Variants in TNIK observed in about 807,000 individuals in gnomAD.
TNIK encodes TRAF2 and NCK-interacting protein kinase.
Under a neutral mutation model 191.3 loss-of-function variants are expected in TNIK, and 49 were observed. The observed-to-expected ratio is 0.26, with a 90% CI of 0.20 to 0.32. TNIK has a LOEUF of 0.32. TNIK is among the 10% of genes least tolerant of loss of function. TNIK has a pLI of 1.00. For missense variants in TNIK, 1,155 were observed against 1,702.3 expected, an observed-to-expected ratio of 0.68 and a Z score of 5.66; for synonymous variants, 594 against 600.9, an observed-to-expected ratio of 0.99 and a Z score of 0.17.
At chr3:171,387,726 T>C (rs770541872) in intron 1 of TNIK, among the ~76,000 whole-genome samples, 1 of 152,188 alleles carries the variant, frequency 6.6e-6, no homozygotes, top group African/African-American at 2.4e-5. Flanking sequence ...AACAGAACTA[T>C]TTGGCTTAAA....
intron 17 of TNIK, among the ~76,000 whole-genome samples, chr3:171,125,471 C>G (rs1380196771): frequency 6.6e-6 from 1 of 152,168 alleles, no homozygotes; most frequent in Non-Finnish European, 1.5e-5. Flanking sequence ...AAGAACAATA[C>G]TATCTTCTGA....
chr3:171,124,229 C>T (rs919212809), intron 17 of TNIK, among the ~76,000 whole-genome samples: 2 of 152,104 alleles, frequency 1.3e-5, no homozygotes, highest in South Asian at 4.1e-4. Context: ...GAGAACCTAC[C>T]ACAGTAGATC....
chr3:171,091,090 T>C (rs1329908515), intron 23 of TNIK, among the ~76,000 whole-genome samples: 1 of 152,236 alleles, frequency 6.6e-6, no homozygotes, highest in African/African-American at 2.4e-5. Context: ...TGGTTAATTT[T>C]ATGTGTCAAC....
chr3:171,348,618 A>C (rs1712638826), intron 2 of TNIK, among the ~76,000 whole-genome samples: 1 of 152,210 alleles, frequency 6.6e-6, no homozygotes, highest in Non-Finnish European at 1.5e-5. Flanking sequence ...TTTGTCTTAC[A>C]CCAATGAGGT....
chr3:171,088,633 T>C (rs781554204), intron 23 of TNIK, among the ~76,000 whole-genome samples: 23 of 152,230 alleles, frequency 1.5e-4, no homozygotes, highest in Non-Finnish European at 3.1e-4. Flanking sequence ...CAGTTTTTAC[T>C]GATAGGATTA....
intron 19 of TNIK, among the ~76,000 whole-genome samples, chr3:171,109,237 C>T (rs1415363612): frequency 6.6e-6 from 1 of 152,234 alleles, no homozygotes; most frequent in Non-Finnish European, 1.5e-5. Context: ...TCATAGCTCA[C>T]TGCAGCCTTG....
At chr3:171,391,432 C>T (rs1323757352) in intron 1 of TNIK, among the ~76,000 whole-genome samples, 1 of 152,180 alleles carries the variant, frequency 6.6e-6, no homozygotes, top group Non-Finnish European at 1.5e-5. Context: ...TGAAGATGTT[C>T]TCTCTTTCCT....
intron 12 of TNIK, among the ~76,000 whole-genome samples, chr3:171,143,889 C>T (rs1310824581): frequency 6.6e-6 from 1 of 152,090 alleles, no homozygotes; most frequent in African/African-American, 2.4e-5. Flanking sequence ...ACAGACAGAA[C>T]TGGAGAATGT....
intron 2 of TNIK, among the ~76,000 whole-genome samples, chr3:171,351,822 G>A (rs1309976247): frequency 6.6e-6 from 1 of 152,088 alleles, no homozygotes; most frequent in African/African-American, 2.4e-5. Context: ...ACCACACTGG[G>A]CAAAAAGGCC....
At chr3:171,142,053 A>G (rs1730913582) in intron 12 of TNIK, among the ~76,000 whole-genome samples, 1 of 152,246 alleles carries the variant, frequency 6.6e-6, no homozygotes, top group African/African-American at 2.4e-5. Flanking sequence ...GAGCTCCTGC[A>G]GCAATCCTCC....
At chr3:171,435,063 A>G (rs894827457) in intron 1 of TNIK, among the ~76,000 whole-genome samples, 4 of 152,206 alleles carry the variant, frequency 2.6e-5, no homozygotes, top group African/African-American at 9.6e-5. Flanking sequence ...TGATACGTTT[A>G]TTCTGTGATT....
At chr3:171,435,569 A>T (rs1254352067) in intron 1 of TNIK, among the ~76,000 whole-genome samples, 1 of 152,236 alleles carries the variant, frequency 6.6e-6, no homozygotes, top group South Asian at 2.1e-4. Context: ...TATTAAAAAT[A>T]GTTTTTGCTT....
At chr3:171,108,737 C>T (rs535586409) in intron 19 of TNIK, among the ~76,000 whole-genome samples, 5 of 152,118 alleles carry the variant, frequency 3.3e-5, no homozygotes, top group East Asian at 1.9e-4. Context: ...TTTGGTGGAA[C>T]GGTTTTTAAT....
intron 18 of TNIK, among the ~76,000 whole-genome samples, chr3:171,117,786 G>C (rs113054911): frequency 0.11 from 16,157 of 152,008 alleles, 2,474 homozygotes; most frequent in African/African-American, 0.34. Context: ...CTGGCTAACA[G>C]GGTGAAACCC....
chr3:171,324,846 C>A (rs1755562229), intron 2 of TNIK, among the ~76,000 whole-genome samples: 1 of 152,100 alleles, frequency 6.6e-6, no homozygotes, highest in Non-Finnish European at 1.5e-5. Context: ...CGCCTGTAAT[C>A]CCAGCACTTT....
intron 7 of TNIK, among the ~76,000 whole-genome samples, chr3:171,183,784 G>C (rs550648265): frequency 6.6e-6 from 1 of 152,060 alleles, no homozygotes; most frequent in Admixed American, 6.5e-5. Flanking sequence ...CACTGGGCGT[G>C]GTGGCGGGCG....
At chr3:171,070,424 T>C (rs969038162) in intron 29 of TNIK, among the ~76,000 whole-genome samples, 1 of 151,610 alleles carries the variant, frequency 6.6e-6, no homozygotes, top group African/African-American at 2.4e-5. Flanking sequence ...CAATGAGACA[T>C]AAAGAAGTAG....
At chr3:171,260,299 C>T (rs531944310) in intron 2 of TNIK, among the ~76,000 whole-genome samples, 4 of 152,268 alleles carry the variant, frequency 2.6e-5, no homozygotes, top group Admixed American at 2.0e-4. Flanking sequence ...TTATTTCTCT[C>T]CCGCTGCAAG....
chr3:171,388,839 G>A lies in TNIK; in HGVS notation c.58-19154C>T, dbSNP rs543139668. 9.3e-4 allele frequency among the ~76,000 whole-genome samples: 142 copies of A among 152,262 alleles called. 2 individuals carry two copies. In the South Asian group the frequency reaches 0.028, roughly 30 times the overall value. ...CACTTGCCATGTATTGTAACTATGT[G>A]TTTAAGTGCCTAACTCCACCTCTAG... On this transcript the variant is annotated intron_variant, in intron 1 of 32. Coordinates refer to ENST00000436636, the MANE Select transcript of TNIK (RefSeq NM_015028.4).
Sources: allele counts gnomAD v4.1 joint callset (sites outside exome capture counted in the v4.1 genomes callset), GRCh38; gene constraint gnomAD v4.1.1; transcripts MANE v1.5; gene names NCBI Gene and HGNC (gene_info 2026-07-23, HGNC 2026-07-21).